The following SLIT3 variants were observed in gnomAD, a reference collection of about 807,000 sequenced individuals.
SLIT3 encodes slit guidance ligand 3, also known as slit homolog 3 protein.
SLIT3 carries 68 observed loss-of-function variants against 184.0 expected under a neutral mutation model. The observed-to-expected ratio is 0.37, with a 90% CI of 0.30 to 0.45. The LOEUF (loss-of-function observed/expected upper bound fraction) is 0.45. Ranked by LOEUF, SLIT3 falls within the 20% of genes least tolerant of loss-of-function variation. SLIT3 has a pLI of 1.00. For synonymous variants in SLIT3, 831 were observed against 828.6 expected, an observed-to-expected ratio of 1.00 and a Z score of -0.05; for missense variants, 1,707 against 2,026.0, an observed-to-expected ratio of 0.84 and a Z score of 3.02.
At chr5:169,066,302 T>C (rs1662127499) in intron 4 of SLIT3, among the ~76,000 whole-genome samples, 2 of 152,160 alleles carry the variant, frequency 1.3e-5, no homozygotes, top group Admixed American at 1.3e-4. Context: ...GGAAAATTAT[T>C]TTTGGTAAAG....
intron 23 of SLIT3, among the ~76,000 whole-genome samples, chr5:168,716,875 A>G (rs1274613169): frequency 6.7e-6 from 1 of 150,060 alleles, no homozygotes; most frequent in Non-Finnish European, 1.5e-5. Flanking sequence ...CTGGGCTAGG[A>G]GCCCAGAGGT....
chr5:169,003,311 A>T (rs540440409), intron 4 of SLIT3, among the ~76,000 whole-genome samples: 1 of 152,224 alleles, frequency 6.6e-6, no homozygotes, highest in Non-Finnish European at 1.5e-5. Context: ...TGGGCAGACC[A>T]GGGCACTCAG....
intron 6 of SLIT3, among the ~76,000 whole-genome samples, chr5:168,828,101 C>G (rs1757761875): frequency 1.3e-5 from 2 of 152,172 alleles, no homozygotes; most frequent in African/African-American, 4.8e-5. Context: ...AGGTCAGAGG[C>G]ATTCAAAACT....
chr5:169,000,227 A>C (rs899616307), intron 4 of SLIT3, among the ~76,000 whole-genome samples: 1 of 151,892 alleles, frequency 6.6e-6, no homozygotes. Context: ...CCTCGTTTCT[A>C]CTAAAAATAC....
chr5:169,187,240 G>A lies in SLIT3; in HGVS notation c.413+6239C>T, dbSNP rs139246058. ...GCGATTCTCCTGCCTCAGCCTCTGA[G>A]TAGCTGGGACTACATGCACGCACCA... On this transcript the variant is annotated intron_variant, in intron 4 of 35. Transcript: ENST00000519560. Among the ~76,000 whole-genome samples, 301 of 149,230 alleles carry A rather than the reference G, an allele frequency of 2.0e-3. 2 individuals carry two copies. The highest frequency in any genetic ancestry group is 6.9e-3 in the African/African-American group (279 of 40,538).
chr5:168,907,937 T>C (rs1438869401), intron 4 of SLIT3, among the ~76,000 whole-genome samples: 1 of 74,732 alleles, frequency 1.3e-5, no homozygotes, highest in East Asian at 6.1e-4. Context: ...ATATATATAT[T>C]ATACGTGTAT....
intron 20 of SLIT3, among the ~76,000 whole-genome samples, chr5:168,728,094 C>T (rs904417974): frequency 4.6e-5 from 7 of 152,074 alleles, no homozygotes; most frequent in African/African-American, 1.4e-4. Flanking sequence ...GGCCCAAAGA[C>T]TGGCTCAGTT....
rs557073977 is a variant in SLIT3 at position 168,801,693 on chromosome 5, C to T, written c.935+4753G>A. Among the ~76,000 whole-genome samples, 3 of 152,116 alleles carry T rather than the reference C, an allele frequency of 2.0e-5. No individual in the cohort carries two copies. The East Asian group carries it at 5.8e-4, about 29-fold the overall frequency. On this transcript the variant is annotated intron_variant, in intron 9 of 35. Coordinates refer to ENST00000519560, the MANE Select transcript of SLIT3 (RefSeq NM_003062.4). ...GAACATGTGGGTCTCTGGGGCTTCC[C>T]ATAATCAAAACCTGCTGGAAGCCAG...
At chr5:169,200,022 CAG>C (rs781452335) in intron 3 of SLIT3, among the ~76,000 whole-genome samples, 29 of 152,326 alleles carry the variant, frequency 1.9e-4, no homozygotes, top group Non-Finnish European at 4.0e-4. Flanking sequence ...TGAGGGTAAA[CAG>C]GGCTCCCAGA....
chr5:168,671,156 C>G, intron 34 of SLIT3, 42 bp downstream of exon 34: 1 of 1,583,150 alleles, frequency 6.3e-7, no homozygotes, highest in South Asian at 1.1e-5. Context: ...TGAGGCCATT[C>G]TGGGAGCTCG....
chr5:168,755,389 A>ATTTCTTTCTTTCTTTCT (rs1754861173), intron 16 of SLIT3, among the ~76,000 whole-genome samples: 3 of 133,640 alleles, frequency 2.2e-5, no homozygotes, highest in African/African-American at 2.6e-5. Context: ...CAGTGCCGCC[A>ATTTCTTTCTTTCTTTCT]TTTCTTTCTT....
At chr5:169,047,977 G>A (rs1028431631) in intron 4 of SLIT3, among the ~76,000 whole-genome samples, 2 of 152,078 alleles carry the variant, frequency 1.3e-5, no homozygotes, top group South Asian at 2.1e-4. Flanking sequence ...GTGGAAGGAA[G>A]AAAGCAGGAG....
intron 3 of SLIT3, among the ~76,000 whole-genome samples, chr5:169,243,997 T>C (rs543617075): frequency 6.6e-6 from 1 of 152,250 alleles, no homozygotes; most frequent in Non-Finnish European, 1.5e-5. Flanking sequence ...TACTTAACCA[T>C]CTGAGCAGCT....
chr5:169,233,584 C>T (rs1765086640), intron 3 of SLIT3, among the ~76,000 whole-genome samples: 1 of 152,182 alleles, frequency 6.6e-6, no homozygotes, highest in Admixed American at 6.5e-5. Context: ...GCCACCATGG[C>T]ACACGTTTAC....
At chr5:169,156,154 A>G (rs1371254525) in intron 4 of SLIT3, among the ~76,000 whole-genome samples, 1 of 152,198 alleles carries the variant, frequency 6.6e-6, no homozygotes, top group African/African-American at 2.4e-5. Context: ...GCTCACTACT[A>G]TGAGATGCCC....
intron 4 of SLIT3, among the ~76,000 whole-genome samples, chr5:169,170,511 G>T: frequency 6.6e-6 from 1 of 152,060 alleles, no homozygotes; most frequent in South Asian, 2.1e-4. Flanking sequence ...AGACGGTTTT[G>T]TCCCCCAAGC....
At chr5:169,089,344 CA>C (rs1759479542) in intron 4 of SLIT3, among the ~76,000 whole-genome samples, 1 of 152,150 alleles carries the variant, frequency 6.6e-6, no homozygotes, top group Admixed American at 6.6e-5. Flanking sequence ...GGTTCTCTTG[CA>C]TGGCTTCTAC....
At chr5:168,907,480 T>G (rs1156561611) in intron 4 of SLIT3, among the ~76,000 whole-genome samples, 1 of 152,220 alleles carries the variant, frequency 6.6e-6, no homozygotes, top group Non-Finnish European at 1.5e-5. Flanking sequence ...GAAGGTAGTG[T>G]GTGACCATGT....
chr5:168,877,577 C>G (rs1033433988), intron 5 of SLIT3, among the ~76,000 whole-genome samples: 19 of 152,210 alleles, frequency 1.2e-4, no homozygotes, highest in African/African-American at 4.1e-4. Flanking sequence ...CTCCCTCACC[C>G]TCACATGAGA....
Sources: allele counts gnomAD v4.1 joint callset (sites outside exome capture counted in the v4.1 genomes callset), GRCh38; gene constraint gnomAD v4.1.1; transcripts MANE v1.5; gene names NCBI Gene and HGNC (gene_info 2026-07-23, HGNC 2026-07-21).